The following SYN1 variants were observed in gnomAD, a reference collection of about 807,000 sequenced individuals.
The protein encoded by SYN1 is synapsin-1.
In SYN1, 8 loss-of-function variants were observed where a neutral mutation model predicts 44.6. That is an observed-to-expected ratio of 0.18 (90% CI 0.11 to 0.32). The LOEUF is 0.32. SYN1 is among the 10% of genes least tolerant of loss of function. The pLI, the probability that SYN1 is intolerant of heterozygous loss-of-function variation, is 1.00. For synonymous variants in SYN1, 275 were observed against 280.1 expected, an observed-to-expected ratio of 0.98 and a Z score of 0.18; for missense variants, 451 against 639.4, an observed-to-expected ratio of 0.71 and a Z score of 3.18.
intron 5 of SYN1, among the ~76,000 whole-genome samples, chrX:47,588,195 C>T (rs977601576): frequency 3.5e-5 from 4 of 112,991 alleles, no homozygotes; most frequent in Non-Finnish European, 5.6e-5. Flanking sequence ...GTTACGCCCT[C>T]GGAGGGTCTG....
At position 47,572,806 on chromosome X, in the gene SYN1, T is replaced by C; in HGVS notation, c.*58A>G. 3 of 1,206,090 alleles carry C rather than the reference T, an allele frequency of 2.5e-6. No homozygotes were observed. Among genetic ancestry groups the C allele is most frequent in the Non-Finnish European group, 3.4e-6 (3 of 891,539 alleles). ...ATTTGGAGACTCCAAAAGTGAGAAATGGATTCAGGGCCCAGAGAAGGGTTG... is the reference window on the plus strand; with the variant it reads ...ATTTGGAGACTCCAAAAGTGAGAAACGGATTCAGGGCCCAGAGAAGGGTTG... On this transcript the variant is annotated 3_prime_UTR_variant, in exon 13 of 13. Transcript: ENST00000295987.
chrX:47,586,535 A>G, intron 5 of SYN1: 1 of 1,211,388 alleles, frequency 8.3e-7, no homozygotes, highest in Non-Finnish European at 1.1e-6. Flanking sequence ...TTCCCTGTTT[A>G]TCCATCCCCT....
intron 5 of SYN1, among the ~76,000 whole-genome samples, chrX:47,584,210 T>A (rs1326438709): frequency 4.5e-5 from 5 of 110,082 alleles, no homozygotes; most frequent in Non-Finnish European, 9.5e-5. Flanking sequence ...TGATCAGGTA[T>A]TGAGGATGAT....
At chrX:47,595,021 C>T (rs1390084908) in intron 5 of SYN1, among the ~76,000 whole-genome samples, 1 of 111,494 alleles carries the variant, frequency 9.0e-6, no homozygotes, top group African/African-American at 3.3e-5. Flanking sequence ...GCCACTGCGC[C>T]TGGCTGTCCC....
At chrX:47,577,297 C>T (rs2057780872) in intron 6 of SYN1, 142 bp downstream of exon 6, 1 of 607,731 alleles carries the variant, frequency 1.6e-6, no homozygotes, top group African/African-American at 2.3e-5. Context: ...GTGGTTTTTA[C>T]CATAAGAACT....
At chrX:47,585,090 C>G in intron 5 of SYN1, 4 of 1,173,327 alleles carry the variant, frequency 3.4e-6, no homozygotes. Context: ...CTTCTGGCCA[C>G]TGGTTGGTGC....
At chrX:47,601,230 G>A (rs2057878759) in intron 5 of SYN1, among the ~76,000 whole-genome samples, 1 of 111,578 alleles carries the variant, frequency 9.0e-6, no homozygotes, top group South Asian at 3.7e-4. Flanking sequence ...AGTATTATAA[G>A]AGAGTATAAG....
intron 1 of SYN1, among the ~76,000 whole-genome samples, chrX:47,614,114 G>A (rs890136465): frequency 1.8e-5 from 2 of 111,920 alleles, no homozygotes; most frequent in Admixed American, 9.4e-5. Flanking sequence ...AGGGCACTTC[G>A]TGTTTCTCAT....
In SYN1 at chrX:47,619,422, A is replaced by G. The variant is rs906042200; in HGVS notation, c.307T>C (p.Ser103Pro). 11 of 1,189,195 alleles carry G rather than the reference A, an allele frequency of 9.2e-6. No homozygotes were observed. Among genetic ancestry groups the G allele is most frequent in the African/African-American group, 1.8e-5 (1 of 56,717 alleles). Residue 103 changes from serine (S) to proline (P), a missense_variant, in exon 1 of 13, where the codon TCT becomes CCT. Ser to Pro is a moderately conservative substitution (Grantham distance 74, BLOSUM62 -1). Around this residue, in one of 3 missense-constraint regions of SYN1, gnomAD observed 315 missense variants for 451.4 expected, o/e 0.70. Coordinates refer to ENST00000295987, the MANE Select transcript of SYN1 (RefSeq NM_006950.3). Reference sequence around the variant, plus strand: ...GCTCCCCCGCGGCCTGCGCCCCCAGAGCCGCCGCCCACCTGCTCGCTGAAG... The same window carrying G: ...GCTCCCCCGCGGCCTGCGCCCCCAGGGCCGCCGCCCACCTGCTCGCTGAAG... ...ATFSEQVGGG[S>P]GGAGRGGAAS...
rs370854090 is a variant in SYN1, at chrX:47,576,534, C to T, written c.944G>A (p.Arg315His). 5.9e-5 allele frequency: 71 copies of T among 1,210,199 alleles called. No homozygotes were observed. The highest frequency in any genetic ancestry group is 7.7e-5 in the Non-Finnish European group (69 of 895,335). Residue 315 changes from arginine (R) to histidine (H), a missense_variant, in exon 7 of 13, where the codon CGT (arginine) becomes CAT (histidine). Physicochemically the swap from Arg to His is conservative, Grantham distance 29 (BLOSUM62 0). Coordinates refer to ENST00000295987, the MANE Select transcript of SYN1 (RefSeq NM_006950.3). ...GTAGTTCTGCCCAATCTTCTGGACA[C>T]GCACGTCATATTTGGCATCGATGAA... ...EPFIDAKYDV[R>H]VQKIGQNYKA...
intron 5 of SYN1, among the ~76,000 whole-genome samples, chrX:47,599,224 A>C (rs1013596508): frequency 8.9e-6 from 1 of 111,995 alleles, no homozygotes; most frequent in Non-Finnish European, 1.9e-5. Flanking sequence ...AGGAATTACA[A>C]TAACATAAGT....
At chrX:47,579,681 G>A (rs891353380) in intron 5 of SYN1, among the ~76,000 whole-genome samples, 8 of 111,613 alleles carry the variant, frequency 7.2e-5, no homozygotes, top group African/African-American at 2.3e-4. Flanking sequence ...AAGAGTTGGC[G>A]TCAGAACCAG....
At position 47,576,648 on chromosome X, in the gene SYN1, A is replaced by T. The variant is rs12394306; in HGVS notation, c.838-8T>A. On this transcript the variant is annotated splice_polypyrimidine_tract_variant and splice_region_variant and intron_variant, in intron 6 of 12. Transcript: ENST00000295987. ...CTGGTTGTCAACCTTGACCTGTGGA[A>T]GTGCGGGCAAGGATCAGGGCCTGGT... 8.3e-7 allele frequency: 1 copy of T among 1,209,721 alleles called. No homozygotes were observed. Among genetic ancestry groups the T allele is most frequent in the African/African-American group, 1.8e-5 (1 of 57,037 alleles).
At chrX:47,602,679 T>C (rs2057883606) in intron 5 of SYN1, among the ~76,000 whole-genome samples, 1 of 111,730 alleles carries the variant, frequency 9.0e-6, no homozygotes, top group African/African-American at 3.2e-5. Flanking sequence ...AATCTTTATC[T>C]GTAAGTAAAC....
At chrX:47,602,285 T>C (rs1172656429) in intron 5 of SYN1, among the ~76,000 whole-genome samples, 1 of 111,999 alleles carries the variant, frequency 8.9e-6, no homozygotes, top group Non-Finnish European at 1.9e-5. Flanking sequence ...ACAGAGTCCA[T>C]GCTCTTAATC....
intron 9 of SYN1, among the ~76,000 whole-genome samples, 155 bp from the exon 10 acceptor site, chrX:47,575,429 A>T (rs2057774692): frequency 1.8e-5 from 2 of 112,631 alleles, no homozygotes; most frequent in African/African-American, 6.5e-5. Flanking sequence ...GTCTGTTCCA[A>T]GGTACCTTAC....
At position 47,583,481 on chromosome X, in the gene SYN1, G is replaced by T. The variant is rs1260941670; in HGVS notation, c.775-5980C>A. 3 of 1,206,044 alleles carry T rather than the reference G, an allele frequency of 2.5e-6. No homozygotes were observed. The African/African-American group carries it at 5.3e-5, about 21-fold the overall frequency. On this transcript the variant is annotated intron_variant, in intron 5 of 12. Coordinates refer to ENST00000295987, the MANE Select transcript of SYN1 (RefSeq NM_006950.3). ...TGCTGTGGCTGATAGCCCCCAGCAG[G>T]GCCTGCACCTGTGTCCCACCCCACC...
intron 1 of SYN1, among the ~76,000 whole-genome samples, chrX:47,618,215 C>T (rs1412411306): frequency 8.0e-5 from 9 of 112,024 alleles, no homozygotes; most frequent in Non-Finnish European, 1.9e-5. Flanking sequence ...AAGGTTGGGT[C>T]ATGCAGAAAG....
At chrX:47,583,339 G>A in intron 5 of SYN1, 4 of 1,080,566 alleles carry the variant, frequency 3.7e-6, no homozygotes, top group East Asian at 3.2e-5. Context: ...GGCAAGATGG[G>A]GTGGATGACC....
Sources: allele counts gnomAD v4.1 joint callset (sites outside exome capture counted in the v4.1 genomes callset), GRCh38; gene constraint gnomAD v4.1.1; regional missense constraint gnomAD v4.1.1; transcripts MANE v1.5; gene names NCBI Gene and HGNC (gene_info 2026-07-23, HGNC 2026-07-21).